Variants in SLC25A26 observed in about 807,000 individuals in gnomAD.
SLC25A26 encodes mitochondrial S-adenosylmethionine carrier protein.
A neutral mutation model predicts 37.8 loss-of-function variants in SLC25A26; 36 were observed. That is an observed-to-expected ratio of 0.95 (90% CI 0.73 to 1.26). The LOEUF (loss-of-function observed/expected upper bound fraction) is 1.26. Among genes scored for constraint, SLC25A26 ranks in the 50% most tolerant of loss-of-function variants. The pLI is 0.00. For missense variants in SLC25A26, 390 were observed against 331.1 expected (o/e 1.18, Z -1.38); for synonymous variants, 129 against 122.5 (o/e 1.05, Z -0.35).
At chr3:66,300,352 G>A (rs1460839682) in intron 5 of SLC25A26, among the ~76,000 whole-genome samples, 1 of 145,386 alleles carries the variant, frequency 6.9e-6, no homozygotes, top group African/African-American at 2.5e-5. Context: ...GAGACCTTTT[G>A]TAATGGTCAG....
rs1377991886 is a variant in SLC25A26 at position 66,286,325 on chromosome 3, A to G, written c.453+22946A>G. 5.3e-5 allele frequency among the ~76,000 whole-genome samples: 8 copies of G among 152,232 alleles called. No individual in the cohort carries two copies. In the South Asian group the frequency reaches 6.2e-4, roughly 12 times the overall value. On this transcript the variant is annotated intron_variant, in intron 5 of 9. Coordinates refer to ENST00000354883, the MANE Select transcript of SLC25A26 (RefSeq NM_001379210.1). ...TTTCTTCTAAAAGTTTTATAGCTCT[A>G]TGTTTTACATTTACATCTATAATCC...
At chr3:66,280,877 A>G (rs539487884) in intron 5 of SLC25A26, among the ~76,000 whole-genome samples, 33 of 152,262 alleles carry the variant, frequency 2.2e-4, no homozygotes, top group African/African-American at 7.7e-4. Flanking sequence ...TCTCCTAAGA[A>G]TGGAGTCCTA....
At chr3:66,324,146 T>C (rs1462454727) in intron 5 of SLC25A26, 1 of 152,388 alleles carries the variant, frequency 6.6e-6, no homozygotes, top group Non-Finnish European at 1.4e-5. Flanking sequence ...AAAAAAAGTG[T>C]GTCTTTAAGA....
At chr3:66,135,412 A>AG (rs1386548668) in intron 1 of SLC25A26, among the ~76,000 whole-genome samples, 4 of 152,196 alleles carry the variant, frequency 2.6e-5, no homozygotes, top group African/African-American at 9.7e-5. Context: ...CTCTCCAATT[A>AG]GTTAATCACA....
chr3:66,194,463 A>C (rs1031145232), intron 1 of SLC25A26, among the ~76,000 whole-genome samples: 1 of 152,240 alleles, frequency 6.6e-6, no homozygotes, highest in Admixed American at 6.5e-5. Flanking sequence ...TGTAGTCCTC[A>C]AGATGAACAG....
chr3:66,260,834 A>C (rs1396810611), intron 3 of SLC25A26, among the ~76,000 whole-genome samples: 1 of 152,256 alleles, frequency 6.6e-6, no homozygotes, highest in African/African-American at 2.4e-5. Context: ...ATAGTTGAAC[A>C]ATTGTGACAG....
chr3:66,244,462 T>C (rs2072731257), intron 3 of SLC25A26, among the ~76,000 whole-genome samples: 1 of 152,154 alleles, frequency 6.6e-6, no homozygotes, highest in Non-Finnish European at 1.5e-5. Flanking sequence ...AATGACAAGA[T>C]TGGTCTGTTG....
intron 3 of SLC25A26, among the ~76,000 whole-genome samples, chr3:66,253,170 G>A (rs1344378761): frequency 5.9e-5 from 9 of 152,034 alleles, no homozygotes; most frequent in Admixed American, 5.9e-4. Flanking sequence ...CACTTTGGGA[G>A]GCTAAGGCGG....
chr3:66,305,967 G>C lies in SLC25A26; in HGVS notation c.454-40397G>C, dbSNP rs548575217. On this transcript the variant is annotated intron_variant, in intron 5 of 9. Coordinates refer to ENST00000354883, the MANE Select transcript of SLC25A26 (RefSeq NM_001379210.1). ...TTCCTCAACCTCGCCAGCATCTATT[G>C]TTTCTTTCTTTTTTTCTTTTTCTTT... Among the ~76,000 whole-genome samples, 148 of 152,000 alleles carry C rather than the reference G, an allele frequency of 9.7e-4. 1 individual carries two copies. Among genetic ancestry groups the C allele is most frequent in the Middle Eastern group, 3.4e-3 (1 of 292 alleles).
At chr3:66,350,728 G>A (rs550203206) in intron 6 of SLC25A26, among the ~76,000 whole-genome samples, 86 of 152,046 alleles carry the variant, frequency 5.7e-4, no homozygotes, top group Admixed American at 1.9e-3. Context: ...GCGCGCGTGC[G>A]CGCACACCCA....
intron 7 of SLC25A26, 37 bp downstream of exon 7, chr3:66,362,966 AG>A (rs1306553968): frequency 1.5e-6 from 2 of 1,367,398 alleles, no homozygotes; most frequent in Non-Finnish European, 9.9e-7. Context: ...AAGACCAAAG[AG>A]GGGGAAAAAT....
chr3:66,274,610 C>T (rs1358777739), intron 5 of SLC25A26, among the ~76,000 whole-genome samples: 2 of 152,236 alleles, frequency 1.3e-5, no homozygotes, highest in Non-Finnish European at 2.9e-5. Context: ...AGACACTTCT[C>T]CAGAGAAGAC....
At chr3:66,138,018 G>C (rs970674378) in intron 1 of SLC25A26, among the ~76,000 whole-genome samples, 1 of 151,856 alleles carries the variant, frequency 6.6e-6, no homozygotes, top group Admixed American at 6.6e-5. Flanking sequence ...ATTTTTAGTA[G>C]AGACGGGGTT....
rs1700779748 is a variant in SLC25A26 at position 66,378,050 on chromosome 3, A to G, written c.*243A>G. 2 of 404,800 alleles carry G rather than the reference A, an allele frequency of 4.9e-6. No homozygotes were observed. Among genetic ancestry groups the G allele is most frequent in the Non-Finnish European group, 8.9e-6 (2 of 225,388 alleles). 25.1% of individuals were successfully genotyped at this position (404,800 alleles called of 1,614,324 possible). ...CGGTACTCTGAACAATTTCCTCAGA[A>G]CCTCTTAATAAATAAGTTTGGTAAT... On this transcript the variant is annotated 3_prime_UTR_variant, in exon 10 of 10. Transcript: ENST00000354883.
Position 66,236,698 on chromosome 3 carries a change from A to G in SLC25A26, c.188A>G (p.Asn63Ser). The G allele has an allele frequency of 1.6e-5, 24 of 1,506,596 alleles. No individual in the cohort carries two copies. The highest frequency in any genetic ancestry group is 2.0e-5 in the Non-Finnish European group (23 of 1,124,850). 93.3% of individuals were successfully genotyped at this position (1,506,596 alleles called of 1,614,324 possible). A position where few individuals can be genotyped will look rare whatever the true frequency, so the allele number is the denominator to read the frequency against. ...VPSAAIGSFP[N>S]AAAFFITYEY... Reference sequence around the variant, plus strand: ...TCTGCTGCTATTGGATCCTTTCCTAATGGTAAAAAATTATATTCTCACTTC... The same window carrying G: ...TCTGCTGCTATTGGATCCTTTCCTAGTGGTAAAAAATTATATTCTCACTTC... Residue 63 changes from asparagine to serine, a missense_variant and splice_region_variant, in exon 2 of 10, where the codon AAT (asparagine) becomes AGT (serine). Asn to Ser is a conservative substitution (Grantham distance 46). Transcript: ENST00000354883.
intron 1 of SLC25A26, among the ~76,000 whole-genome samples, chr3:66,190,840 C>T (rs2070928352): frequency 6.6e-6 from 1 of 152,190 alleles, no homozygotes; most frequent in African/African-American, 2.4e-5. Context: ...CTGTTGAGGA[C>T]AGTGTGTAAA....
intron 1 of SLC25A26, among the ~76,000 whole-genome samples, chr3:66,156,700 C>CT (rs943109480): frequency 2.6e-5 from 4 of 152,040 alleles, no homozygotes; most frequent in African/African-American, 2.4e-5. Context: ...CTTTGTAACT[C>CT]TTTTTTTGGA....
intron 5 of SLC25A26, among the ~76,000 whole-genome samples, chr3:66,302,444 A>G (rs1292971079): frequency 6.6e-6 from 1 of 152,044 alleles, no homozygotes; most frequent in African/African-American, 2.4e-5. Context: ...ACTGCTCTCC[A>G]TGTCATCAGA....
chr3:66,141,808 C>T (rs892964916), intron 1 of SLC25A26, among the ~76,000 whole-genome samples: 4 of 152,200 alleles, frequency 2.6e-5, no homozygotes, highest in African/African-American at 9.6e-5. Context: ...GCCACTGCGC[C>T]GGTCTTGAAT....
Sources: allele counts gnomAD v4.1 joint callset (sites outside exome capture counted in the v4.1 genomes callset), GRCh38; gene constraint gnomAD v4.1.1; transcripts MANE v1.5; gene names NCBI Gene and HGNC (gene_info 2026-07-23, HGNC 2026-07-21).